Variants in RORA observed in about 807,000 individuals in gnomAD.
RORA encodes the protein RAR related orphan receptor A.
RORA carries 7 observed loss-of-function variants against 69.5 expected under a neutral mutation model. That is an observed-to-expected ratio of 0.10 (90% confidence interval 0.06 to 0.19). The LOEUF is 0.19. Ranked by LOEUF, RORA falls within the 10% of genes least tolerant of loss-of-function variation. The pLI is 1.00. For synonymous variants in RORA, 261 were observed against 240.8 expected, an observed-to-expected ratio of 1.08 and a Z score of -0.78; for missense variants, 457 against 663.0, an observed-to-expected ratio of 0.69 and a Z score of 3.41.
At chr15:60,833,463 G>C (rs1267369828) in intron 1 of RORA, among the ~76,000 whole-genome samples, 2 of 152,144 alleles carry the variant, frequency 1.3e-5, no homozygotes, top group East Asian at 1.9e-4. Flanking sequence ...TGATCCACCT[G>C]CCTCGGCCTC....
At chr15:61,192,548 C>A (rs2079810111) in intron 1 of RORA, among the ~76,000 whole-genome samples, 1 of 152,214 alleles carries the variant, frequency 6.6e-6, no homozygotes, top group African/African-American at 2.4e-5. Context: ...CCTCATCTAC[C>A]AGGAAGCACC....
chr15:61,037,877 T>C (rs1025331014), intron 1 of RORA, among the ~76,000 whole-genome samples: 4 of 152,198 alleles, frequency 2.6e-5, no homozygotes, highest in African/African-American at 9.7e-5. Context: ...AAGGCTTTCC[T>C]GAAGAGCAGA....
chr15:60,836,684 G>C (rs773849041), intron 1 of RORA, among the ~76,000 whole-genome samples: 10 of 152,046 alleles, frequency 6.6e-5, no homozygotes, highest in Non-Finnish European at 1.2e-4. Flanking sequence ...TGTTTCCCAG[G>C]TTTTCCGTCT....
rs147348975 is a variant in RORA at position 60,800,558 on chromosome 15, C to A, written c.167-121872G>T. The stretch of plus-strand genomic sequence containing the variant: ...AGAACCTTCTTGAAGGCTGGGACAG[C>A]ACTGTGAGAGGAGGGCCACCAGGCT... On this transcript the variant is annotated intron_variant, in intron 1 of 10. Coordinates refer to ENST00000335670, the MANE Select transcript of RORA (RefSeq NM_134261.3). Among the ~76,000 whole-genome samples the A allele has an allele frequency of 6.0e-4, 91 of 152,298 alleles. No individual in the cohort carries two copies. In the East Asian group the frequency reaches 0.013, roughly 22 times the overall value.
At chr15:60,831,280 G>A (rs1054166587) in intron 1 of RORA, among the ~76,000 whole-genome samples, 1 of 152,158 alleles carries the variant, frequency 6.6e-6, no homozygotes, top group Non-Finnish European at 1.5e-5. Flanking sequence ...TACATGGAGA[G>A]CTCACTCCAG....
intron 1 of RORA, among the ~76,000 whole-genome samples, chr15:60,779,953 G>A (rs1408537103): frequency 1.3e-5 from 2 of 152,096 alleles, no homozygotes; most frequent in African/African-American, 4.8e-5. Context: ...TCCTCATTTG[G>A]ATATGTGTTT....
At chr15:61,139,225 C>T in intron 1 of RORA, among the ~76,000 whole-genome samples, 1 of 151,902 alleles carries the variant, frequency 6.6e-6, no homozygotes, top group Non-Finnish European at 1.5e-5. Context: ...TGAGAAGCAA[C>T]AAAGGGGTGA....
intron 1 of RORA, among the ~76,000 whole-genome samples, chr15:60,925,897 C>T (rs766338165): frequency 6.6e-5 from 10 of 152,260 alleles, no homozygotes; most frequent in South Asian, 2.1e-4. Context: ...TCTGTGCTTA[C>T]GATGAGTGGA....
At chr15:60,875,343 C>A (rs899125001) in intron 1 of RORA, among the ~76,000 whole-genome samples, 1 of 152,030 alleles carries the variant, frequency 6.6e-6, no homozygotes, top group East Asian at 1.9e-4. Context: ...TATAATCTAC[C>A]CCCCTAAAAA....
intron 2 of RORA, among the ~76,000 whole-genome samples, chr15:60,666,527 A>G (rs2070384803): frequency 1.3e-5 from 2 of 151,950 alleles, no homozygotes; most frequent in African/African-American, 4.8e-5. Context: ...CTACATAAAC[A>G]GCAACTATTC....
chr15:60,918,466 T>C (rs1038021880), intron 1 of RORA, among the ~76,000 whole-genome samples: 7 of 152,178 alleles, frequency 4.6e-5, no homozygotes, highest in Admixed American at 2.6e-4. Context: ...GCAGGATAAT[T>C]TGCAGTTATA....
intron 7 of RORA, 109 bp from the exon 8 acceptor site, chr15:60,502,976 G>T: frequency 1.3e-6 from 1 of 798,812 alleles, no homozygotes; most frequent in South Asian, 1.4e-5. Context: ...GGTGGGTGTC[G>T]TGTGCAGTTT....
chr15:60,554,095 T>C (rs7165792), intron 2 of RORA, among the ~76,000 whole-genome samples: 55,427 of 151,980 alleles, frequency 0.36, 10,570 homozygotes, highest in Middle Eastern at 0.48. Context: ...TTTTCCTCTC[T>C]AACACTGAGT....
Position 60,716,802 on chromosome 15 carries a change from C to T in RORA, c.167-38116G>A, listed in dbSNP as rs528283739. 2.6e-5 allele frequency among the ~76,000 whole-genome samples: 4 copies of T among 152,310 alleles called. No individual in the cohort carries two copies. The East Asian group carries it at 7.7e-4, about 29-fold the overall frequency. ...AAACCCAGGAGGGCTGGGTTCAGAG[C>T]TGAATATGTGGAGGTTCCTGGAGAA... On this transcript the variant is annotated intron_variant, in intron 1 of 10. Transcript: ENST00000335670.
At chr15:60,971,461 G>A (rs924556659) in intron 1 of RORA, among the ~76,000 whole-genome samples, 2 of 152,152 alleles carry the variant, frequency 1.3e-5, no homozygotes, top group Non-Finnish European at 2.9e-5. Flanking sequence ...CGGAGGATGC[G>A]GATGTCCAAC....
chr15:60,946,917 C>G (rs145107753), intron 1 of RORA, among the ~76,000 whole-genome samples: 38,167 of 150,050 alleles, frequency 0.25, 5,924 homozygotes, highest in East Asian at 0.52. Context: ...CTGCCCGGCC[C>G]CGACCCCGTC....
At chr15:60,990,695 C>A (rs1025666240) in intron 1 of RORA, among the ~76,000 whole-genome samples, 5 of 151,494 alleles carry the variant, frequency 3.3e-5, no homozygotes, top group Non-Finnish European at 7.4e-5. Context: ...ACTGTGTATG[C>A]ACACACACAC....
intron 1 of RORA, among the ~76,000 whole-genome samples, chr15:60,949,833 T>G (rs1434866106): frequency 6.6e-6 from 1 of 152,216 alleles, no homozygotes; most frequent in African/African-American, 2.4e-5. Flanking sequence ...ATCTGTTATG[T>G]GTCACCAACG....
At chr15:60,634,461 G>A (rs1387851825) in intron 2 of RORA, among the ~76,000 whole-genome samples, 1 of 150,332 alleles carries the variant, frequency 6.7e-6, no homozygotes, top group African/African-American at 2.4e-5. Context: ...CTGGAGCACT[G>A]AGACACAATC....
Sources: allele counts gnomAD v4.1 joint callset (sites outside exome capture counted in the v4.1 genomes callset), GRCh38; gene constraint gnomAD v4.1.1; transcripts MANE v1.5; gene names NCBI Gene and HGNC (gene_info 2026-07-23, HGNC 2026-07-21).